IGSF9B: variants seen among roughly 807,000 people sequenced by gnomAD.
The protein encoded by IGSF9B is protein turtle homolog B.
In IGSF9B, 48 loss-of-function variants were observed where a neutral mutation model predicts 143.7. The observed-to-expected ratio is 0.33, with a 90% CI of 0.26 to 0.42. The LOEUF (loss-of-function observed/expected upper bound fraction) is 0.42, where lower values mean the gene tolerates loss of function less well. IGSF9B is among the 20% of genes least tolerant of loss of function. IGSF9B has a pLI of 1.00. For missense variants in IGSF9B, 1,706 were observed against 1,980.0 expected, an observed-to-expected ratio of 0.86 and a Z score of 2.63; for synonymous variants, 903 against 833.1, an observed-to-expected ratio of 1.08 and a Z score of -1.44.
In IGSF9B at chr11:133,901,895, A is replaced by C. The variant is rs951149215; in HGVS notation, c.*7174T>G. ...CACGCACCACACACACACACAACAC[A>C]CACACAACACACCACACACAACACA... On this transcript the variant is annotated 3_prime_UTR_variant, in exon 20 of 20. Coordinates refer to ENST00000533871, the MANE Select transcript of IGSF9B (RefSeq NM_001277285.4). Among the ~76,000 whole-genome samples, 5 of 146,484 alleles carry C rather than the reference A, an allele frequency of 3.4e-5. No homozygotes were observed. Among genetic ancestry groups the C allele is most frequent in the African/African-American group, 7.5e-5 (3 of 39,786 alleles).
In IGSF9B at chr11:133,935,482, T is replaced by C. The variant is rs1030413819; in HGVS notation, c.967+135A>G. On this transcript the variant is annotated intron_variant, in intron 7 of 19. Transcript: ENST00000533871. ...GGCCTCCTCTCCAGCCATCCCTCCT[T>C]CTTCTCTTATTCGCTCCTCCACCTA... is the stretch of plus-strand genomic sequence containing the variant. 19 of 1,062,926 alleles carry C rather than the reference T, an allele frequency of 1.8e-5. No homozygotes were observed. The African/African-American group carries it at 1.9e-4, about 11-fold the overall frequency. 65.8% of individuals were successfully genotyped at this position (1,062,926 alleles called of 1,614,324 possible). A position where few individuals can be genotyped will look rare whatever the true frequency, so the allele number is the denominator to read the frequency against.
intron 18 of IGSF9B, 117 bp downstream of exon 18, chr11:133,919,625 G>GCGGCATGTC (rs1424695900): frequency 1.3e-5 from 9 of 677,166 alleles, no homozygotes; most frequent in African/African-American, 1.3e-4. Context: ...GGACGCCGGT[G>GCGGCATGTC]CGGCATGTCC....
rs1044823089 is a variant in IGSF9B at position 133,931,937 on chromosome 11, C to T, written c.1110+134G>A. 9.4e-6 allele frequency: 14 copies of T among 1,489,528 alleles called. No individual in the cohort carries two copies. In the Admixed American group the frequency reaches 1.7e-4, roughly 18 times the overall value. The allele number at this position is 1,489,528 out of a possible 1,614,324, so 92.3% of individuals were successfully genotyped here. A position where few individuals can be genotyped will look rare whatever the true frequency, so the allele number is the denominator to read the frequency against. ...GGCGGGCGGCACCCGCAGACCCCTACAGAAGCAGCTCTCTGTTTGCCCAGG... is the reference window on the plus strand; with the variant it reads ...GGCGGGCGGCACCCGCAGACCCCTATAGAAGCAGCTCTCTGTTTGCCCAGG... On this transcript the variant is annotated intron_variant, in intron 8 of 19. Coordinates refer to ENST00000533871, the MANE Select transcript of IGSF9B (RefSeq NM_001277285.4). The surrounding 1 kb of genome is among the most constrained non-coding windows in gnomAD (Gnocchi z 7.7).
chr11:133,946,643 C>T (rs1940057397), intron 1 of IGSF9B, among the ~76,000 whole-genome samples: 8 of 152,206 alleles, frequency 5.3e-5, no homozygotes, highest in Admixed American at 5.2e-4. Context: ...GGTGAGGGGC[C>T]CGGCCCCCTC....
intron 3 of IGSF9B, among the ~76,000 whole-genome samples, chr11:133,943,077 G>A (rs1319902170): frequency 2.6e-5 from 4 of 152,104 alleles, no homozygotes; most frequent in Non-Finnish European, 4.4e-5. Flanking sequence ...GCCACCCTTC[G>A]GAGCAGATAA....
In IGSF9B at chr11:133,939,005, G is replaced by A. The variant is rs373118756; in HGVS notation, c.410-1044C>T. 5.9e-5 allele frequency among the ~76,000 whole-genome samples: 9 copies of A among 152,188 alleles called. No individual in the cohort carries two copies. The East Asian group carries it at 7.7e-4, about 13-fold the overall frequency. ...CTTCAGGAGCCACTGAGGCATTCAC[G>A]GGAAGCTTTGGGAGGGTCCCTCCTC... On this transcript the variant is annotated intron_variant, in intron 3 of 19. Transcript: ENST00000533871.
At position 133,921,274 on chromosome 11, in the gene IGSF9B, C is replaced by A. The variant is rs1177230174; in HGVS notation, c.2451G>T (p.Leu817=). ...RMLSPTREKE[L]SLYKKTKRAI... is the part of the protein sequence containing the mutation. ...CCCGCTTGGTCTTCTTGTACAGCGA[C>A]AGCTCCTTCTCACGGGTGGGGCTCA... The change falls in exon 18 of 20, where the codon CTG becomes CTT. Residue 817 remains leucine, a synonymous_variant. Transcript: ENST00000533871. 1.2e-6 allele frequency: 2 copies of A among 1,611,344 alleles called. No individual in the cohort carries two copies. The highest frequency in any genetic ancestry group is 3.3e-5 in the Admixed American group (2 of 59,994).
Position 133,924,884 on chromosome 11 carries a change from C to T in IGSF9B, c.2055G>A (p.Arg685=), listed in dbSNP as rs374689595. 1.2e-5 allele frequency: 20 copies of T among 1,613,636 alleles called. No individual in the cohort carries two copies. Among genetic ancestry groups the T allele is most frequent in the Non-Finnish European group, 1.6e-5 (19 of 1,179,896 alleles). ...DLSQDTWYEF[R]VLAVMQDLIS... is the part of the protein sequence containing the mutation. ...TCAGATCCTGCATGACGGCCAGAACCCGGAACTCATACCACGTGTCCTGCA... is the reference window on the plus strand; with the variant it reads ...TCAGATCCTGCATGACGGCCAGAACTCGGAACTCATACCACGTGTCCTGCA... The change falls in exon 15 of 20, where the codon CGG becomes CGA. Residue 685 remains arginine (R), a synonymous_variant. Coordinates refer to ENST00000533871, the MANE Select transcript of IGSF9B (RefSeq NM_001277285.4).
At position 133,920,178 on chromosome 11, in the gene IGSF9B, G is replaced by A; in HGVS notation, c.3547C>T (p.Gln1183Ter). ...PQPRPRPSPR[Q>*]ARRAEPSLHQ... ...AAACTGGGCTCGGCGCGCCTGGCCT[G>A]CCGAGGGCTAGGCCGGGGCCGGGGC... The change falls in exon 18 of 20, where the codon CAG becomes TAG. Residue 1183 changes from glutamine (Q) to a stop codon, truncating the protein, a stop_gained. Coordinates refer to ENST00000533871, the MANE Select transcript of IGSF9B (RefSeq NM_001277285.4). LOFTEE classifies it high-confidence loss of function. 1 of 1,510,160 alleles carries A rather than the reference G, an allele frequency of 6.6e-7. No individual in the cohort carries two copies. The highest frequency in any genetic ancestry group is 8.9e-7 in the Non-Finnish European group (1 of 1,129,372). 93.5% of individuals were successfully genotyped at this position (1,510,160 alleles called of 1,614,324 possible).
chr11:133,912,040 C>T (rs1167369300), intron 18 of IGSF9B, 33 bp from the exon 19 acceptor site: 5 of 1,496,524 alleles, frequency 3.3e-6, no homozygotes, highest in Non-Finnish European at 3.5e-6. Flanking sequence ...CACAATTCAG[C>T]TCCCGGATGT....
Position 133,945,237 on chromosome 11 carries a change from C to T in IGSF9B, c.262+824G>A, listed in dbSNP as rs541855378. On this transcript the variant is annotated intron_variant, in intron 2 of 19. Coordinates refer to ENST00000533871, the MANE Select transcript of IGSF9B (RefSeq NM_001277285.4). The surrounding 1 kb of genome is among the most constrained non-coding windows in gnomAD (Gnocchi z 4.6). ...ATCACCACACCTCTGCTCTCCTCCT[C>T]GTCCTGATGCTGGCAATCTGCCTAA... Among the ~76,000 whole-genome samples the T allele has an allele frequency of 6.6e-5, 10 of 152,328 alleles. No individual in the cohort carries two copies. The East Asian group carries it at 7.7e-4, about 12-fold the overall frequency.
At position 133,948,865 on chromosome 11, in the gene IGSF9B, G is replaced by A. The variant is rs1325976055; in HGVS notation, c.65-2607C>T. Among the ~76,000 whole-genome samples the A allele has an allele frequency of 6.6e-6, 1 of 152,192 alleles. No homozygotes were observed. Among genetic ancestry groups the A allele is most frequent in the Non-Finnish European group, 1.5e-5 (1 of 68,044 alleles). ...CTCCAACAGTGGAGTTTGCTCTGGT[G>A]AGCTGGCTTCCAGGTGGAGGGCTCT... On this transcript the variant is annotated intron_variant, in intron 1 of 19. Coordinates refer to ENST00000533871, the MANE Select transcript of IGSF9B (RefSeq NM_001277285.4). This position sits in a 1 kb window ranked among gnomAD's most constrained non-coding sequence, Gnocchi z 4.7.
chr11:133,934,655 A>C (rs1939790222), intron 7 of IGSF9B, among the ~76,000 whole-genome samples: 1 of 152,046 alleles, frequency 6.6e-6, no homozygotes, highest in African/African-American at 2.4e-5. Context: ...AGCGTGCTCC[A>C]CCACCGCGAC....
Position 133,920,318 on chromosome 11 carries a change from C to T in IGSF9B, c.3407G>A (p.Arg1136Gln), listed in dbSNP as rs758894455. ...MQPLVSQGQL[R>Q]HTSQGMGIPV... The stretch of plus-strand genomic sequence containing the variant: ...TATGCCCATGCCTTGGCTTGTATGT[C>T]GCAGCTGCCCTTGGCTTACCAGAGG... The change falls in exon 18 of 20, where the codon CGA becomes CAA. Residue 1136 changes from arginine (R) to glutamine (Q), a missense_variant. Around this residue, in one of 7 missense-constraint regions of IGSF9B, gnomAD observed 880 missense variants for 762.9 expected, o/e 1.15. Coordinates refer to ENST00000533871, the MANE Select transcript of IGSF9B (RefSeq NM_001277285.4). The T allele has an allele frequency of 5.1e-6, 8 of 1,577,050 alleles. No homozygotes were observed. In the Admixed American group the frequency reaches 5.6e-5, roughly 11 times the overall value.
At position 133,901,200 on chromosome 11, in the gene IGSF9B, A is replaced by G. The variant is rs1453794246; in HGVS notation, c.*7869T>C. Reference sequence around the variant, plus strand: ...CTGCAGGTGGGTTATTTGTTTTGTTATTTTACAAACTTTTCATATATACAC... The same window carrying G: ...CTGCAGGTGGGTTATTTGTTTTGTTGTTTTACAAACTTTTCATATATACAC... On this transcript the variant is annotated 3_prime_UTR_variant, in exon 20 of 20. Coordinates refer to ENST00000533871, the MANE Select transcript of IGSF9B (RefSeq NM_001277285.4). The G allele has an allele frequency of 6.6e-6, 1 of 152,108 alleles. No individual in the cohort carries two copies. Among genetic ancestry groups the G allele is most frequent in the Admixed American group, 6.5e-5 (1 of 15,280 alleles). 9.4% of individuals were successfully genotyped at this position (152,108 alleles called of 1,614,324 possible).
rs932406586 is a variant in IGSF9B, at chr11:133,948,056, C to T, written c.65-1798G>A. Among the ~76,000 whole-genome samples, 13 of 147,186 alleles carry T rather than the reference C, an allele frequency of 8.8e-5. No homozygotes were observed. Among genetic ancestry groups the T allele is most frequent in the East Asian group, 2.0e-4 (1 of 4,942 alleles). ...CTGTTTCTGTCTACCAGCATGTGTG[C>T]GTGTGTGTGTGTGTGTGTGTGTGTG... On this transcript the variant is annotated intron_variant, in intron 1 of 19. Coordinates refer to ENST00000533871, the MANE Select transcript of IGSF9B (RefSeq NM_001277285.4). The surrounding 1 kb of genome is among the most constrained non-coding windows in gnomAD (Gnocchi z 4.7).
At chr11:133,922,327 G>T in intron 16 of IGSF9B, 105 bp from the exon 17 acceptor site, 1 of 1,155,318 alleles carries the variant, frequency 8.7e-7, no homozygotes, top group Non-Finnish European at 1.3e-6. Flanking sequence ...GCACAGGGAA[G>T]GAGCTGCTCA....
At chr11:133,936,393 G>T (rs1939824245) in intron 5 of IGSF9B, among the ~76,000 whole-genome samples, 199 bp from the exon 6 acceptor site, 1 of 152,148 alleles carries the variant, frequency 6.6e-6, no homozygotes, top group Admixed American at 6.5e-5. Context: ...AGGCTCCCCA[G>T]ACCAGCCGCC....
chr11:133,923,338 C>T (rs2121296784), intron 15 of IGSF9B, among the ~76,000 whole-genome samples: 1 of 152,338 alleles, frequency 6.6e-6, no homozygotes, highest in Non-Finnish European at 1.5e-5. Context: ...CCTTCTAGTA[C>T]AGGCATGCAA....
Sources: allele counts gnomAD v4.1 joint callset (sites outside exome capture counted in the v4.1 genomes callset), GRCh38; gene constraint gnomAD v4.1.1; regional missense constraint gnomAD v4.1.1; non-coding constraint Gnocchi (gnomAD v3.1); transcripts MANE v1.5; gene names NCBI Gene and HGNC (gene_info 2026-07-23, HGNC 2026-07-21).